The following ANK3 variants were observed in gnomAD, a reference collection of about 807,000 sequenced individuals.
ANK3 encodes the protein ankyrin-3.
Under a neutral mutation model 370.9 loss-of-function variants are expected in ANK3, and 57 were observed. The ratio of observed to expected loss-of-function variants is 0.15; its 90% CI spans 0.12 to 0.19. The LOEUF is 0.19. Ranked by LOEUF, ANK3 falls within the 10% of genes least tolerant of loss-of-function variation. The pLI is 1.00. For missense variants in ANK3, 4,439 were observed against 5,302.1 expected (o/e 0.84, Z 5.06); for synonymous variants, 1,929 against 1,946.3 (o/e 0.99, Z 0.23).
chr10:60,690,500 GT>G (rs949878877), intron 1 of ANK3, among the ~76,000 whole-genome samples: 19 of 152,086 alleles, frequency 1.2e-4, no homozygotes, highest in Non-Finnish European at 2.5e-4. Context: ...GACAGGCAAT[GT>G]TTTTTTCCCT....
chr10:60,458,923 A>C (rs936912516), intron 2 of ANK3, among the ~76,000 whole-genome samples: 5 of 152,160 alleles, frequency 3.3e-5, no homozygotes, highest in Non-Finnish European at 5.9e-5. Flanking sequence ...TCACCTTTAA[A>C]AAAAGAGAAT....
intron 1 of ANK3, among the ~76,000 whole-genome samples, chr10:60,319,188 TGCAAAGG>T (rs2048099734): frequency 6.6e-6 from 1 of 152,246 alleles, no homozygotes; most frequent in Non-Finnish European, 1.5e-5. Flanking sequence ...AACAGACACT[TGCAAAGG>T]GCAAAGGGAT....
chr10:60,040,855 C>A (rs2075966651), intron 43 of ANK3, among the ~76,000 whole-genome samples: 2 of 152,132 alleles, frequency 1.3e-5, no homozygotes, highest in East Asian at 3.9e-4. Context: ...AGATGACTGA[C>A]CTCTTTTCTA....
intron 25 of ANK3, among the ~76,000 whole-genome samples, chr10:60,126,366 C>T (rs1040343758): frequency 6.6e-6 from 1 of 152,110 alleles, no homozygotes; most frequent in African/African-American, 2.4e-5. Context: ...TGGCAAGGGG[C>T]TCCTTTCTAA....
At chr10:60,731,416 T>C (rs2080020334) in intron 1 of ANK3, among the ~76,000 whole-genome samples, 1 of 152,158 alleles carries the variant, frequency 6.6e-6, no homozygotes, top group African/African-American at 2.4e-5. Flanking sequence ...AACACATCAC[T>C]GTGAGATTAT....
chr10:60,433,353 C>T (rs1214472419), intron 2 of ANK3, among the ~76,000 whole-genome samples: 4 of 152,090 alleles, frequency 2.6e-5, no homozygotes, highest in Non-Finnish European at 5.9e-5. Context: ...TAGAATAATG[C>T]TGAGAAACAT....
chr10:60,462,714 T>G (rs1291699181), intron 2 of ANK3, among the ~76,000 whole-genome samples: 2 of 152,052 alleles, frequency 1.3e-5, no homozygotes, highest in African/African-American at 4.8e-5. Flanking sequence ...TGGGGAGATT[T>G]TTAAATGTAT....
Position 60,501,195 on chromosome 10 carries a change from A to C in ANK3, c.96+113991T>G, listed in dbSNP as rs551819981. On this transcript the variant is annotated intron_variant, in intron 2 of 43. Transcript: ENST00000373827. The stretch of plus-strand genomic sequence containing the variant: ...GACAACCCAAGGAGGAATAGGGCAG[A>C]GAGGACAGTGGGCTGAGAGCAGGCA... Among the ~76,000 whole-genome samples the C allele has an allele frequency of 3.9e-4, 60 of 152,314 alleles. No homozygotes were observed. In the South Asian group the frequency reaches 0.012, roughly 30 times the overall value.
At chr10:60,076,811 C>CT (rs1418162180) in intron 36 of ANK3, among the ~76,000 whole-genome samples, 1 of 152,128 alleles carries the variant, frequency 6.6e-6, no homozygotes, top group Admixed American at 6.6e-5. Flanking sequence ...TTCCTATTGA[C>CT]TTTCTTATGT....
At chr10:60,702,922 A>G (rs894785179) in intron 1 of ANK3, among the ~76,000 whole-genome samples, 2 of 152,198 alleles carry the variant, frequency 1.3e-5, no homozygotes, top group African/African-American at 2.4e-5. Flanking sequence ...TAGAGCTTCT[A>G]AATCCAACTA....
chr10:60,035,888 T>G (rs2074851990), intron 43 of ANK3, among the ~76,000 whole-genome samples: 1 of 151,374 alleles, frequency 6.6e-6, no homozygotes, highest in Non-Finnish European at 1.5e-5. Flanking sequence ...TATATATTTT[T>G]AAGAAAAATA....
rs890489195 is a variant in ANK3 at position 60,031,104 on chromosome 10, TA to T, written c.*20-1279del. The stretch of plus-strand genomic sequence containing the variant: ...CAGCTATTTCTGAATGCTTTGTAAG[TA>T]AGTCTCTCACTTCTCCAAAAATTCA... On this transcript the variant is annotated intron_variant, in intron 43 of 43. Transcript: ENST00000280772. 1.3e-3 allele frequency among the ~76,000 whole-genome samples: 201 copies of T among 152,220 alleles called. 1 individual carries two copies. Among genetic ancestry groups the T allele is most frequent in the African/African-American group, 4.7e-3 (196 of 41,542 alleles).
chr10:60,123,214 A>G (rs1279309172), intron 25 of ANK3, among the ~76,000 whole-genome samples: 1 of 152,218 alleles, frequency 6.6e-6, no homozygotes, highest in East Asian at 1.9e-4. Flanking sequence ...TCCCATGTCA[A>G]AGATAATATG....
intron 8 of ANK3, among the ~76,000 whole-genome samples, chr10:60,219,686 A>T (rs1326658738): frequency 6.6e-6 from 1 of 152,178 alleles, no homozygotes; most frequent in Admixed American, 6.5e-5. Flanking sequence ...CAACTTGAAG[A>T]TCCCTGAGAC....
chr10:60,202,440 ACATAATATC>A (rs1200843979), intron 12 of ANK3, among the ~76,000 whole-genome samples: 1 of 152,204 alleles, frequency 6.6e-6, no homozygotes, highest in Admixed American at 6.5e-5. Context: ...ATTTTTTAAA[ACATAATATC>A]CAGTAGTAAT....
At chr10:60,624,723 A>T (rs199965443) in intron 1 of ANK3, among the ~76,000 whole-genome samples, 2 of 129,330 alleles carry the variant, frequency 1.5e-5, no homozygotes, top group African/African-American at 6.6e-5. Context: ...TAGTGGCTTT[A>T]AAAAAAAAAA....
intron 1 of ANK3, among the ~76,000 whole-genome samples, chr10:60,664,060 T>C (rs1382062692): frequency 6.6e-6 from 1 of 152,218 alleles, no homozygotes; most frequent in Non-Finnish European, 1.5e-5. Context: ...TGCAGTCTAC[T>C]GTTTACCCAC....
intron 2 of ANK3, among the ~76,000 whole-genome samples, chr10:60,429,730 C>G (rs149112924): frequency 2.2e-3 from 330 of 152,264 alleles, no homozygotes; most frequent in African/African-American, 7.3e-3. Flanking sequence ...GGACAAAATT[C>G]CCTGTCCTAC....
intron 23 of ANK3, among the ~76,000 whole-genome samples, chr10:60,159,991 G>A (rs1209720407): frequency 6.6e-6 from 1 of 151,920 alleles, no homozygotes; most frequent in African/African-American, 2.4e-5. Flanking sequence ...ATAAACAACT[G>A]AATGAGGCAG....
Sources: allele counts gnomAD v4.1 joint callset (sites outside exome capture counted in the v4.1 genomes callset), GRCh38; gene constraint gnomAD v4.1.1; transcripts MANE v1.5; gene names NCBI Gene and HGNC (gene_info 2026-07-23, HGNC 2026-07-21).